SLC9A3: variants seen among roughly 807,000 people sequenced by gnomAD.
SLC9A3 encodes sodium/hydrogen exchanger 3.
In SLC9A3, 37 loss-of-function variants were observed where a neutral mutation model predicts 86.8. That is an observed-to-expected ratio of 0.43 (90% CI 0.33 to 0.56). The LOEUF (loss-of-function observed/expected upper bound fraction) is 0.56, where lower values mean the gene tolerates loss of function less well. SLC9A3 is among the 20% of genes least tolerant of loss of function. SLC9A3 has a pLI of 0.06. For synonymous variants in SLC9A3, 581 were observed against 528.3 expected (o/e 1.10, Z -1.37); for missense variants, 1,011 against 1,171.9 (o/e 0.86, Z 2.00).
chr5:507,207 T>C (rs143518032), intron 1 of SLC9A3, among the ~76,000 whole-genome samples: 3,993 of 71,082 alleles, frequency 0.056, 634 homozygotes, highest in Non-Finnish European at 0.09. Context: ...CTGGCTCTGT[T>C]GCCCAGGCTG....
intron 1 of SLC9A3, among the ~76,000 whole-genome samples, chr5:498,138 C>T (rs939983982): frequency 3.9e-5 from 6 of 152,206 alleles, no homozygotes; most frequent in African/African-American, 1.4e-4. Flanking sequence ...GAGCCTCGGC[C>T]GCCACTTCCG....
intron 2 of SLC9A3, among the ~76,000 whole-genome samples, chr5:490,362 G>A (rs1579791946): frequency 6.6e-6 from 1 of 152,096 alleles, no homozygotes; most frequent in East Asian, 1.9e-4. Flanking sequence ...AGGGCCAGGG[G>A]TGACGTCCTG....
Position 484,506 on chromosome 5 carries a change from TGGGA to T in SLC9A3, c.932+10_932+13del. Reference sequence around the variant, plus strand: ...GAGGGCGTGGAGAAGCTCGCGTGTGTGGGAGGGACTCACGCGAGGATGGCCGACA... The same window carrying T: ...GAGGGCGTGGAGAAGCTCGCGTGTGTGGGACTCACGCGAGGATGGCCGACA... On this transcript the variant is annotated intron_variant, in intron 5 of 16. Transcript: ENST00000264938. 6.2e-7 allele frequency: 1 copy of T among 1,610,738 alleles called. No homozygotes were observed. The highest frequency in any genetic ancestry group is 8.5e-7 in the Non-Finnish European group (1 of 1,179,130).
chr5:475,330 G>T, intron 15 of SLC9A3, 198 bp from the exon 16 acceptor site: 1 of 633,550 alleles, frequency 1.6e-6, no homozygotes, highest in Non-Finnish European at 2.7e-6. Context: ...GTAACGTCTC[G>T]CTTCCCTCAA....
chr5:480,215 CGGT>C (rs1739075925), intron 9 of SLC9A3: 2 of 447,172 alleles, frequency 4.5e-6, no homozygotes, highest in Admixed American at 7.6e-5. Flanking sequence ...GCTCAGGACA[CGGT>C]GGGTGTCAGG....
At chr5:479,997 GGTGACAGGCGCCCTAGAGCCCGCCGGAC>G in intron 9 of SLC9A3, 32 bp from the exon 10 acceptor site, 3 of 1,601,772 alleles carry the variant, frequency 1.9e-6, no homozygotes, top group Non-Finnish European at 2.6e-6. Context: ...GTGAGCCTCA[GGTGACAGGCGCCCTAGAGCCCGCCGGAC>G]GCGTGGCCCG....
intron 5 of SLC9A3, among the ~76,000 whole-genome samples, chr5:484,101 C>T (rs1177849190): frequency 6.6e-6 from 1 of 151,256 alleles, no homozygotes; most frequent in Non-Finnish European, 1.5e-5. Context: ...CCGCCGGACC[C>T]AGGAGGGTGT....
intron 1 of SLC9A3, among the ~76,000 whole-genome samples, chr5:510,281 G>A (rs950809529): frequency 3.3e-5 from 5 of 152,242 alleles, no homozygotes; most frequent in African/African-American, 9.6e-5. Context: ...ACGCTGCCAC[G>A]GAGCTCTAAG....
rs1251036422 is a variant in SLC9A3, at chr5:471,171, G to A, written c.*2208C>T. On this transcript the variant is annotated 3_prime_UTR_variant, in exon 17 of 17. Coordinates refer to ENST00000264938, the MANE Select transcript of SLC9A3 (RefSeq NM_004174.4). Reference sequence around the variant, plus strand: ...TGCTGAAGACCGACCAGTCAAGGAGGTGTTGGTGGGAGTGTTGTGTTCACC... The same window carrying A: ...TGCTGAAGACCGACCAGTCAAGGAGATGTTGGTGGGAGTGTTGTGTTCACC... The A allele has an allele frequency of 1.9e-5, 3 of 157,184 alleles. No individual in the cohort carries two copies. Among genetic ancestry groups the A allele is most frequent in the East Asian group, 3.7e-4 (2 of 5,448 alleles). The allele number at this position is 157,184 out of a possible 1,614,324, so 9.7% of individuals were successfully genotyped here.
chr5:508,664 G>C (rs1228131799), intron 1 of SLC9A3, among the ~76,000 whole-genome samples: 1 of 149,886 alleles, frequency 6.7e-6, no homozygotes, highest in Admixed American at 6.6e-5. Flanking sequence ...TAGCGCGCCC[G>C]GGATGGAGAT....
rs757851063 is a variant in SLC9A3, at chr5:482,746, C to G, written c.1158G>C (p.Val386=). The change falls in exon 7 of 17, where the codon GTG becomes GTC. Residue 386 remains valine (V), a synonymous_variant. Coordinates refer to ENST00000264938, the MANE Select transcript of SLC9A3 (RefSeq NM_004174.4). ...VFISVYRAIG[V]VLQTWLLNRY... ...GGTTCAGAAGCCAGGTCTGCAGGAC[C>G]ACACCTGCGGATGATGGGGCGGGCA... 1 of 1,599,528 alleles carries G rather than the reference C, an allele frequency of 6.3e-7. No individual in the cohort carries two copies. The highest frequency in any genetic ancestry group is 1.3e-5 in the African/African-American group (1 of 74,660).
At chr5:489,544 C>T (rs535908273) in intron 2 of SLC9A3, among the ~76,000 whole-genome samples, 50 of 152,148 alleles carry the variant, frequency 3.3e-4, no homozygotes, top group Non-Finnish European at 6.2e-4. Flanking sequence ...GACTAAACCC[C>T]GAGTTTGCTG....
chr5:521,028 C>G (rs1733870486), intron 1 of SLC9A3, among the ~76,000 whole-genome samples: 1 of 152,242 alleles, frequency 6.6e-6, no homozygotes, highest in Non-Finnish European at 1.5e-5. Flanking sequence ...GAGGAAGCCC[C>G]CTCACCCTGC....
chr5:507,369 G>GTT (rs1553999352), intron 1 of SLC9A3, among the ~76,000 whole-genome samples: 1 of 5,848 alleles, frequency 1.7e-4, no homozygotes, highest in African/African-American at 7.4e-4. Flanking sequence ...GGGTTTCACC[G>GTT]TTTTTTTTTT....
intron 1 of SLC9A3, among the ~76,000 whole-genome samples, chr5:504,306 C>A (rs1394702175): frequency 6.6e-6 from 1 of 152,170 alleles, no homozygotes; most frequent in Non-Finnish European, 1.5e-5. Context: ...CGTGACCCAC[C>A]CAGGAGGTGT....
chr5:474,143 G>A (rs1291584980), intron 16 of SLC9A3, among the ~76,000 whole-genome samples: 11 of 146,856 alleles, frequency 7.5e-5, no homozygotes, highest in African/African-American at 2.8e-4. Flanking sequence ...GAGCGCGCGA[G>A]GCGGAGACCT....
At position 497,278 on chromosome 5, in the gene SLC9A3, G is replaced by A. The variant is rs887339288; in HGVS notation, c.212-5207C>T. On this transcript the variant is annotated intron_variant, in intron 1 of 16. Coordinates refer to ENST00000264938, the MANE Select transcript of SLC9A3 (RefSeq NM_004174.4). This position sits in a 1 kb window ranked among gnomAD's most constrained non-coding sequence, Gnocchi z 5.4. The stretch of plus-strand genomic sequence containing the variant: ...GTCACACCACTGCTCTGCCTCGGGC[G>A]ACACGGTGCACTGGCCGAATTCCCT... Among the ~76,000 whole-genome samples the A allele has an allele frequency of 2.6e-5, 4 of 152,104 alleles. No individual in the cohort carries two copies. The highest frequency in any genetic ancestry group is 7.2e-5 in the African/African-American group (3 of 41,426).
intron 11 of SLC9A3, 47 bp from the exon 12 acceptor site, chr5:476,719 G>T: frequency 6.3e-7 from 1 of 1,591,674 alleles, no homozygotes; most frequent in African/African-American, 1.3e-5. Context: ...TCAGGGTGGG[G>T]TCTCTTGCGC....
At chr5:502,886 A>G (rs551475425) in intron 1 of SLC9A3, among the ~76,000 whole-genome samples, 2 of 125,586 alleles carry the variant, frequency 1.6e-5, no homozygotes, top group Admixed American at 8.0e-5. Context: ...TTTACCACTC[A>G]CTACCAGTGA....
Sources: allele counts gnomAD v4.1 joint callset (sites outside exome capture counted in the v4.1 genomes callset), GRCh38; gene constraint gnomAD v4.1.1; non-coding constraint Gnocchi (gnomAD v3.1); transcripts MANE v1.5; gene names NCBI Gene and HGNC (gene_info 2026-07-23, HGNC 2026-07-21).